CCNI: variants seen among roughly 807,000 people sequenced by gnomAD.
The protein encoded by CCNI is cyclin I.
CCNI carries 14 observed loss-of-function variants against 34.1 expected under a neutral mutation model. The ratio of observed to expected loss-of-function variants is 0.41; its 90% CI spans 0.27 to 0.64. The LOEUF is 0.64. CCNI is among the 30% of genes least tolerant of loss of function. The pLI is 0.31. For missense variants in CCNI, 385 were observed against 440.5 expected, an observed-to-expected ratio of 0.87 and a Z score of 1.13; for synonymous variants, 154 against 158.4, an observed-to-expected ratio of 0.97 and a Z score of 0.21.
rs4252835 is a variant in CCNI at position 77,064,153 on chromosome 4, G to C, written c.114+2096C>G. ...AGCTACTTGGGAAGCTGAGGCAAGA[G>C]AATCACTTGAGCCCGGGAGGCCGAG... is the stretch of plus-strand genomic sequence containing the variant. On this transcript the variant is annotated intron_variant, in intron 2 of 6. Transcript: ENST00000237654. Among the ~76,000 whole-genome samples, 1,167 of 151,662 alleles carry C rather than the reference G, an allele frequency of 7.7e-3. 8 individuals carry two copies. The highest frequency in any genetic ancestry group is 0.024 in the African/African-American group (992 of 41,322).
At chr4:77,051,408 G>A (rs986181314) in intron 6 of CCNI, among the ~76,000 whole-genome samples, 1 of 152,150 alleles carries the variant, frequency 6.6e-6, no homozygotes, top group Non-Finnish European at 1.5e-5. Context: ...TAAGTAAGAG[G>A]AAGACTATGT....
chr4:77,056,966 G>C (rs578110944), intron 3 of CCNI, among the ~76,000 whole-genome samples: 2 of 152,212 alleles, frequency 1.3e-5, no homozygotes, highest in South Asian at 4.1e-4. Flanking sequence ...ATTGCTCAAA[G>C]TTCAACCAAA....
At chr4:77,070,411 C>G (rs1352768953) in intron 1 of CCNI, among the ~76,000 whole-genome samples, 1 of 150,820 alleles carries the variant, frequency 6.6e-6, no homozygotes, top group African/African-American at 2.4e-5. Flanking sequence ...TTCTCAGGTT[C>G]CTTGTTAAGC....
chr4:77,061,884 T>C (rs1728630812), intron 2 of CCNI, among the ~76,000 whole-genome samples: 1 of 152,078 alleles, frequency 6.6e-6, no homozygotes, highest in South Asian at 2.1e-4. Context: ...TTAGCCAGGA[T>C]AGTCTCGATC....
At chr4:77,071,878 C>G (rs973038480) in intron 1 of CCNI, among the ~76,000 whole-genome samples, 5 of 151,948 alleles carry the variant, frequency 3.3e-5, no homozygotes, top group Non-Finnish European at 7.4e-5. Flanking sequence ...TTTGTAAAAC[C>G]AAAGATTTAA....
At chr4:77,062,600 T>A (rs1031238137) in intron 2 of CCNI, among the ~76,000 whole-genome samples, 4 of 152,080 alleles carry the variant, frequency 2.6e-5, no homozygotes, top group African/African-American at 9.7e-5. Context: ...TTGGCTTTGA[T>A]GAAGTAGGAA....
intron 1 of CCNI, among the ~76,000 whole-genome samples, chr4:77,069,051 G>A (rs1237785201): frequency 6.6e-6 from 1 of 152,142 alleles, no homozygotes; most frequent in Non-Finnish European, 1.5e-5. Context: ...TATCTCAAAG[G>A]TAATTTCTTC....
At chr4:77,071,086 T>C (rs1729433553) in intron 1 of CCNI, among the ~76,000 whole-genome samples, 1 of 152,174 alleles carries the variant, frequency 6.6e-6, no homozygotes, top group African/African-American at 2.4e-5. Flanking sequence ...CTTCACTAGG[T>C]TTCAAGATTA....
chr4:77,065,745 C>G (rs546666328), intron 2 of CCNI, among the ~76,000 whole-genome samples: 17 of 152,288 alleles, frequency 1.1e-4, no homozygotes, highest in African/African-American at 3.4e-4. Flanking sequence ...AACAGGTCAA[C>G]AAACAAAAAC....
rs1009834029 is a variant in CCNI at position 77,048,076 on chromosome 4, TGA to T, written c.*141_*142del. 1.4e-5 allele frequency: 8 copies of T among 556,630 alleles called. No individual in the cohort carries two copies. Among genetic ancestry groups the T allele is most frequent in the Admixed American group, 3.2e-5 (1 of 31,482 alleles). The allele number at this position is 556,630 out of a possible 1,614,324, so 34.5% of individuals were successfully genotyped here. A position where few individuals can be genotyped will look rare whatever the true frequency, so the allele number is the denominator to read the frequency against. ...GAATTATAATTAGCCACACAAATAA[TGA>T]GAGTTTTATTTTTTTTTTCTGGCTC... On this transcript the variant is annotated 3_prime_UTR_variant, in exon 7 of 7. Coordinates refer to ENST00000237654, the MANE Select transcript of CCNI (RefSeq NM_006835.3).
At position 77,047,337 on chromosome 4, in the gene CCNI, T is replaced by G. The variant is rs1727505831; in HGVS notation, c.*882A>C. 1 of 152,094 alleles carries G rather than the reference T, an allele frequency of 6.6e-6. No individual in the cohort carries two copies. Among genetic ancestry groups the G allele is most frequent in the Non-Finnish European group, 1.5e-5 (1 of 68,016 alleles). 9.4% of individuals were successfully genotyped at this position (152,094 alleles called of 1,614,324 possible). A position where few individuals can be genotyped will look rare whatever the true frequency, so the allele number is the denominator to read the frequency against. ...TCCTAATAGCTTAACAAAACTAGGG[T>G]ACTAAATTCAGTTATAACATGTTAC... On this transcript the variant is annotated 3_prime_UTR_variant, in exon 7 of 7. Transcript: ENST00000237654.
intron 1 of CCNI, among the ~76,000 whole-genome samples, chr4:77,073,952 A>G (rs940006452): frequency 7.9e-5 from 12 of 152,016 alleles, no homozygotes; most frequent in African/African-American, 2.9e-4. Flanking sequence ...TGCCATATTA[A>G]CTCATGTAAT....
intron 6 of CCNI, 124 bp downstream of exon 6, chr4:77,055,021 TTACTC>T (rs1341266224): frequency 1.6e-6 from 1 of 616,544 alleles, no homozygotes; most frequent in Non-Finnish European, 2.9e-6. Context: ...AATATATACT[TTACTC>T]TTGTCTACTC....
chr4:77,058,211 C>T (rs2109809110), intron 3 of CCNI, among the ~76,000 whole-genome samples: 1 of 152,270 alleles, frequency 6.6e-6, no homozygotes, highest in South Asian at 2.1e-4. Flanking sequence ...AAAAATTAGA[C>T]TGGCATGGTG....
intron 3 of CCNI, among the ~76,000 whole-genome samples, chr4:77,057,001 A>G (rs1728288475): frequency 6.6e-6 from 1 of 152,222 alleles, no homozygotes; most frequent in Non-Finnish European, 1.5e-5. Context: ...GTTCATTTCT[A>G]TCCAGCAGAA....
At chr4:77,057,177 CT>C (rs1728302417) in intron 3 of CCNI, among the ~76,000 whole-genome samples, 1 of 92,432 alleles carries the variant, frequency 1.1e-5, no homozygotes, top group Non-Finnish European at 2.8e-5. Flanking sequence ...TCCCTCTCTA[CT>C]ACATCTAACC....
rs758536641 is a variant in CCNI at position 77,055,131 on chromosome 4, T to A, written c.690+19A>T. The A allele has an allele frequency of 5.3e-6, 8 of 1,514,820 alleles. No homozygotes were observed. Among genetic ancestry groups the A allele is most frequent in the Non-Finnish European group, 4.6e-6 (5 of 1,090,238 alleles). 93.8% of individuals were successfully genotyped at this position (1,514,820 alleles called of 1,614,324 possible). Reference sequence around the variant, plus strand: ...AGAAAAACTTAAAAAGAACACTATTTAATTAGACTGACACCTACCTGTGCT... The same window carrying A: ...AGAAAAACTTAAAAAGAACACTATTAAATTAGACTGACACCTACCTGTGCT... On this transcript the variant is annotated intron_variant, in intron 6 of 6. Coordinates refer to ENST00000237654, the MANE Select transcript of CCNI (RefSeq NM_006835.3).
chr4:77,066,009 G>C (rs1183654314), intron 2 of CCNI, among the ~76,000 whole-genome samples: 1 of 152,204 alleles, frequency 6.6e-6, no homozygotes, highest in Non-Finnish European at 1.5e-5. Context: ...GCTGAGGTGA[G>C]AGGATTGCTT....
intron 2 of CCNI, chr4:77,066,032 C>G (rs965858298): frequency 1.4e-5 from 6 of 432,038 alleles, no homozygotes; most frequent in African/African-American, 1.2e-4. Context: ...GCCCGGGAGG[C>G]AGGGGTTGCA....
Sources: allele counts gnomAD v4.1 joint callset (sites outside exome capture counted in the v4.1 genomes callset), GRCh38; gene constraint gnomAD v4.1.1; transcripts MANE v1.5; gene names NCBI Gene and HGNC (gene_info 2026-07-23, HGNC 2026-07-21).